Variants in MSH4 observed in about 807,000 individuals in gnomAD.
MSH4 encodes the protein mutS protein homolog 4.
In MSH4, 106 loss-of-function variants were observed where a neutral mutation model predicts 113.7. The ratio of observed to expected loss-of-function variants is 0.93; its 90% CI spans 0.80 to 1.10. MSH4 has a LOEUF of 1.10. MSH4 is among the 50% of genes least tolerant of loss of function. MSH4 has a pLI of 0.00. For synonymous variants in MSH4, 368 were observed against 380.2 expected (o/e 0.97, Z 0.37); for missense variants, 1,061 against 1,093.7 (o/e 0.97, Z 0.42).
chr1:75,832,348 C>T (rs1650716606), intron 7 of MSH4, among the ~76,000 whole-genome samples: 1 of 152,144 alleles, frequency 6.6e-6, no homozygotes, highest in Non-Finnish European at 1.5e-5. Flanking sequence ...CCGAATTCTA[C>T]CAGAGTTACA....
At chr1:75,813,248 C>CA (rs1242511564) in intron 4 of MSH4, among the ~76,000 whole-genome samples, 5 of 152,104 alleles carry the variant, frequency 3.3e-5, no homozygotes, top group African/African-American at 1.2e-4. Flanking sequence ...GGGGTAGATA[C>CA]ACTATAATTG....
In MSH4 at chr1:75,886,372, A is replaced by G. The variant is rs376115831; in HGVS notation, c.2107+2551A>G. Among the ~76,000 whole-genome samples, 108 of 41,032 alleles carry G rather than the reference A, an allele frequency of 2.6e-3. 34 individuals are homozygous for G. Among genetic ancestry groups the G allele is most frequent in the Admixed American group, 3.1e-3 (11 of 3,606 alleles). 26.9% of individuals were successfully genotyped at this position (41,032 alleles called of 152,430 possible). A position where few individuals can be genotyped will look rare whatever the true frequency, so the allele number is the denominator to read the frequency against. On this transcript the variant is annotated intron_variant, in intron 15 of 19. Coordinates refer to ENST00000263187, the MANE Select transcript of MSH4 (RefSeq NM_002440.4). ...TTATATATGGTATATATGATGTATT[A>G]TATATTATATATGGTATATATGATG...
intron 19 of MSH4, among the ~76,000 whole-genome samples, chr1:75,909,790 A>G (rs1652749327): frequency 6.6e-6 from 1 of 152,066 alleles, no homozygotes; most frequent in Admixed American, 6.6e-5. Flanking sequence ...CTTTCTACAG[A>G]TAATCTGCCT....
chr1:75,848,291 A>G lies in MSH4; in HGVS notation c.1230+15A>G, dbSNP rs1557508189. ...AGCAAGACACGGTATGTTTTTGTATACATTTTGTATTATATTATTATACAT... is the reference window on the plus strand; with the variant it reads ...AGCAAGACACGGTATGTTTTTGTATGCATTTTGTATTATATTATTATACAT... On this transcript the variant is annotated intron_variant, in intron 8 of 19. Coordinates refer to ENST00000263187, the MANE Select transcript of MSH4 (RefSeq NM_002440.4). The G allele has an allele frequency of 2.0e-6, 3 of 1,528,986 alleles. No homozygotes were observed. The highest frequency in any genetic ancestry group is 1.8e-6 in the Non-Finnish European group (2 of 1,105,888). The allele number at this position is 1,528,986 out of a possible 1,614,324, so 94.7% of individuals were successfully genotyped here. A position where few individuals can be genotyped will look rare whatever the true frequency, so the allele number is the denominator to read the frequency against.
intron 6 of MSH4, among the ~76,000 whole-genome samples, chr1:75,821,219 T>G (rs1420171532): frequency 2.0e-5 from 3 of 151,654 alleles, no homozygotes; most frequent in Admixed American, 6.6e-5. Flanking sequence ...CAGACCACAG[T>G]GCAATCAAAC....
At chr1:75,831,694 A>C (rs1650695062) in intron 7 of MSH4, among the ~76,000 whole-genome samples, 1 of 152,238 alleles carries the variant, frequency 6.6e-6, no homozygotes, top group Non-Finnish European at 1.5e-5. Flanking sequence ...TACTGGGTAC[A>C]TAATGAAATG....
Position 75,821,836 on chromosome 1 carries a change from G to A in MSH4, c.990-573G>A, listed in dbSNP as rs181379302. Among the ~76,000 whole-genome samples, 110 of 152,200 alleles carry A rather than the reference G, an allele frequency of 7.2e-4. 1 individual carries two copies. Among genetic ancestry groups the A allele is most frequent in the African/African-American group, 2.5e-3 (103 of 41,536 alleles). ...TTGTCCATGCTGGTCTTGAACTCCC[G>A]AGTTCAAGTATTCCTCCTGCCTTGG... On this transcript the variant is annotated intron_variant, in intron 6 of 19. Coordinates refer to ENST00000263187, the MANE Select transcript of MSH4 (RefSeq NM_002440.4).
intron 19 of MSH4, among the ~76,000 whole-genome samples, chr1:75,900,945 C>T (rs766839482): frequency 2.0e-5 from 3 of 152,034 alleles, no homozygotes; most frequent in Non-Finnish European, 2.9e-5. Flanking sequence ...GAAAAATATT[C>T]GAAACAAGCT....
chr1:75,897,757 A>T, intron 17 of MSH4, 150 bp from the exon 18 acceptor site: 3 of 431,298 alleles, frequency 7.0e-6, no homozygotes. Flanking sequence ...ATGGATTGAT[A>T]ATGTTAGCCT....
At chr1:75,899,980 A>T (rs1194486624) in intron 19 of MSH4, among the ~76,000 whole-genome samples, 1 of 151,878 alleles carries the variant, frequency 6.6e-6, no homozygotes, top group Non-Finnish European at 1.5e-5. Flanking sequence ...TACTAACTTT[A>T]TGATGAGGAA....
chr1:75,855,579 C>T (rs189140104), intron 8 of MSH4, among the ~76,000 whole-genome samples: 11 of 152,266 alleles, frequency 7.2e-5, no homozygotes, highest in East Asian at 1.9e-4. Flanking sequence ...TGTGTTTCCT[C>T]GTCAAATGGT....
intron 8 of MSH4, among the ~76,000 whole-genome samples, chr1:75,863,986 CCTT>C (rs1651513457): frequency 6.6e-6 from 1 of 151,818 alleles, no homozygotes; most frequent in African/African-American, 2.4e-5. Flanking sequence ...CAAAAATTCC[CCTT>C]CTTCTCCTTC....
chr1:75,821,860 G>T (rs1282752238), intron 6 of MSH4, among the ~76,000 whole-genome samples: 5 of 152,192 alleles, frequency 3.3e-5, no homozygotes, highest in African/African-American at 9.6e-5. Flanking sequence ...CTCCTGCCTT[G>T]GCCTCCCAGA....
intron 7 of MSH4, among the ~76,000 whole-genome samples, chr1:75,845,354 C>A (rs1290014751): frequency 6.6e-6 from 1 of 152,170 alleles, no homozygotes; most frequent in Non-Finnish European, 1.5e-5. Flanking sequence ...GAGGCAAATT[C>A]CCCACCAGCT....
At chr1:75,856,666 A>T (rs2201275) in intron 8 of MSH4, among the ~76,000 whole-genome samples, 146,730 of 152,334 alleles carry the variant, frequency 0.96, 70,912 homozygotes, top group East Asian at 1. Flanking sequence ...ATGTGCCACA[A>T]TTTCTTAATC....
intron 8 of MSH4, among the ~76,000 whole-genome samples, chr1:75,861,963 G>T (rs115204566): frequency 0.054 from 8,166 of 152,102 alleles, 370 homozygotes; most frequent in African/African-American, 0.12. Flanking sequence ...TACACTGTGT[G>T]TATAGAACCA....
intron 6 of MSH4, among the ~76,000 whole-genome samples, chr1:75,822,081 A>T (rs1650428122): frequency 6.6e-6 from 1 of 152,086 alleles, no homozygotes; most frequent in African/African-American, 2.4e-5. Flanking sequence ...GGAGATGGAG[A>T]CCATCCTGGC....
chr1:75,830,842 A>C (rs1206010901), intron 7 of MSH4, among the ~76,000 whole-genome samples: 1 of 152,240 alleles, frequency 6.6e-6, no homozygotes, highest in African/African-American at 2.4e-5. Context: ...AACATGCCAA[A>C]TTGCAAAGAC....
intron 7 of MSH4, among the ~76,000 whole-genome samples, chr1:75,827,733 A>C (rs1193094633): frequency 6.6e-6 from 1 of 152,124 alleles, no homozygotes; most frequent in Non-Finnish European, 1.5e-5. Context: ...TGGACTTTAA[A>C]CCAACAAAGA....
Sources: allele counts gnomAD v4.1 joint callset (sites outside exome capture counted in the v4.1 genomes callset), GRCh38; gene constraint gnomAD v4.1.1; transcripts MANE v1.5; gene names NCBI Gene and HGNC (gene_info 2026-07-23, HGNC 2026-07-21).